The following NBPF4 variants were observed in gnomAD, a reference collection of about 807,000 sequenced individuals.
NBPF4 encodes NBPF member 4, also known as NBPF family member NBPF4.
A neutral mutation model predicts 21.1 loss-of-function variants in NBPF4; 11 were observed. The ratio of observed to expected loss-of-function variants is 0.52; its 90% CI spans 0.33 to 0.86. NBPF4 has a LOEUF of 0.86. Among genes scored for constraint, NBPF4 ranks in the 40% least tolerant of loss-of-function variants. The pLI, the probability that NBPF4 is intolerant of heterozygous loss-of-function variation, is 0.03. For synonymous variants in NBPF4, 47 were observed against 106.4 expected (o/e 0.44, Z 3.43); for missense variants, 88 against 265.3 (o/e 0.33, Z 4.64).
At chr1:108,268,110 A>G in the NBPF4 span, among the ~76,000 whole-genome samples, 1 of 129,266 alleles carries the variant, frequency 7.7e-6, no homozygotes, top group African/African-American at 2.8e-5. Flanking sequence ...CCTTGTTTTT[A>G]GGATATGTCC....
chr1:108,246,374 T>TA (rs1258912619), upstream of NBPF4, among the ~76,000 whole-genome samples: 1 of 122,360 alleles, frequency 8.2e-6, no homozygotes, highest in Non-Finnish European at 1.7e-5. Context: ...TTAAAATGAA[T>TA]AATCTAAGCA....
At chr1:108,224,666 TC>T (rs1649416311) in intron 14 of NBPF4, among the ~76,000 whole-genome samples, 1 of 131,080 alleles carries the variant, frequency 7.6e-6, no homozygotes, top group African/African-American at 2.9e-5. Context: ...TGATTCCACA[TC>T]CGGTTCCACC....
chr1:108,226,374 G>A (rs1207908163), intron 14 of NBPF4, among the ~76,000 whole-genome samples: 5 of 150,948 alleles, frequency 3.3e-5, no homozygotes, highest in African/African-American at 1.2e-4. Flanking sequence ...AAACAACCCT[G>A]TGTTCAGCAG....
chr1:108,254,167 C>T, the NBPF4 span, among the ~76,000 whole-genome samples: 3 of 63,134 alleles, frequency 4.8e-5, no homozygotes, highest in East Asian at 4.3e-4. Flanking sequence ...CTCCACTTTC[C>T]GGGTTCAAGC....
chr1:108,234,799 C>G (rs1649662287), intron 9 of NBPF4, among the ~76,000 whole-genome samples: 1 of 87,142 alleles, frequency 1.1e-5, no homozygotes, highest in African/African-American at 5.2e-5. Flanking sequence ...GGTTTTGAGG[C>G]ATAATCGTAT....
upstream of NBPF4, among the ~76,000 whole-genome samples, chr1:108,247,879 T>C (rs1257162917): frequency 1.5e-4 from 22 of 144,186 alleles, no homozygotes; most frequent in African/African-American, 5.7e-4. Flanking sequence ...TCATCTAGGC[T>C]GGAGTGCTCA....
At chr1:108,241,411 C>T (rs534946390) in intron 3 of NBPF4, among the ~76,000 whole-genome samples, 18 of 146,476 alleles carry the variant, frequency 1.2e-4, no homozygotes, top group Admixed American at 1.1e-3. Context: ...CACACACACA[C>T]ACAGCCTTCT....
At chr1:108,245,859 C>CAG (rs1239972186), upstream of NBPF4, among the ~76,000 whole-genome samples, 1 of 81,440 alleles carries the variant, frequency 1.2e-5, no homozygotes, top group African/African-American at 5.1e-5. Context: ...TTTTCCAGGA[C>CAG]AGAGGTGTGC....
At chr1:108,248,064 T>C (rs1488632073), upstream of NBPF4, among the ~76,000 whole-genome samples, 25 of 152,098 alleles carry the variant, frequency 1.6e-4, no homozygotes, top group African/African-American at 5.8e-4. Flanking sequence ...AAGAACTTTT[T>C]ATTGAAAAGT....
upstream of NBPF4, among the ~76,000 whole-genome samples, chr1:108,246,024 A>G (rs1418522636): frequency 1.7e-5 from 2 of 116,018 alleles, no homozygotes; most frequent in East Asian, 5.7e-4. Context: ...TTAATTCACT[A>G]TTCTATTGAG....
chr1:108,259,528 T>C, the NBPF4 span, among the ~76,000 whole-genome samples: 1 of 144,570 alleles, frequency 6.9e-6, no homozygotes, highest in Non-Finnish European at 1.5e-5. Flanking sequence ...TATGATTCTG[T>C]ACACTGGGTT....
the NBPF4 span, among the ~76,000 whole-genome samples, chr1:108,256,106 TTATC>T: frequency 7.2e-6 from 1 of 139,196 alleles, no homozygotes; most frequent in Non-Finnish European, 1.6e-5. Context: ...GTCTAGGAAT[TTATC>T]TATTTTCTCT....
At chr1:108,246,298 A>G (rs1448669561), upstream of NBPF4, among the ~76,000 whole-genome samples, 6 of 127,460 alleles carry the variant, frequency 4.7e-5, no homozygotes, top group Admixed American at 8.9e-5. Context: ...GAACTCAGAT[A>G]CAACATATAT....
At chr1:108,257,899 T>C in the NBPF4 span, among the ~76,000 whole-genome samples, 1,161 of 142,188 alleles carry the variant, frequency 8.2e-3, 18 homozygotes, top group Middle Eastern at 0.046. Context: ...CAGGAGTGCA[T>C]CACCATGCCC....
chr1:108,245,065 A>G (rs1438328203), upstream of NBPF4, among the ~76,000 whole-genome samples: 1 of 78,852 alleles, frequency 1.3e-5, no homozygotes, highest in South Asian at 7.0e-4. Flanking sequence ...GTTCCTGTGC[A>G]GTAGAAGGTG....
chr1:108,257,873 C>T, the NBPF4 span, among the ~76,000 whole-genome samples: 1 of 140,314 alleles, frequency 7.1e-6, no homozygotes, highest in Non-Finnish European at 1.5e-5. Context: ...CTCAGCCTCC[C>T]AAGTAGTTGG....
intron 4 of NBPF4, 30 bp downstream of exon 4, chr1:108,240,920 G>A (rs1313367939): frequency 1.3e-5 from 2 of 158,458 alleles, no homozygotes; most frequent in East Asian, 2.2e-4. Flanking sequence ...GCCTGAAGCT[G>A]TGTGTCATCA....
the NBPF4 span, among the ~76,000 whole-genome samples, chr1:108,264,889 G>A: frequency 8.3e-6 from 1 of 120,918 alleles, no homozygotes; most frequent in African/African-American, 2.9e-5. Flanking sequence ...TGCAGCAAAA[G>A]CAGTGTTAAG....
the NBPF4 span, among the ~76,000 whole-genome samples, chr1:108,264,662 CA>C: frequency 1.3e-5 from 1 of 74,450 alleles, no homozygotes; most frequent in Non-Finnish European, 2.6e-5. Context: ...TCATCAAATG[CA>C]AAAAGAACTG....
Sources: gnomAD v4.1 joint callset for allele counts (sites outside exome capture counted in the v4.1 genomes callset) on GRCh38, gnomAD v4.1.1 for gene constraint, MANE v1.5 for transcripts, NCBI Gene and HGNC (gene_info 2026-07-23, HGNC 2026-07-21) for gene names.